The following ANAPC10 variants were observed in gnomAD, a reference collection of about 807,000 sequenced individuals.
ANAPC10 encodes the protein anaphase promoting complex subunit 10.
A neutral mutation model predicts 22.0 loss-of-function variants in ANAPC10; 12 were observed. That is an observed-to-expected ratio of 0.55 (90% CI 0.35 to 0.88). ANAPC10 has a LOEUF of 0.88. Ranked by LOEUF, ANAPC10 falls within the 40% of genes least tolerant of loss-of-function variation. ANAPC10 has a pLI of 0.01. For missense variants in ANAPC10, 188 were observed against 220.9 expected, an observed-to-expected ratio of 0.85 and a Z score of 0.94; for synonymous variants, 65 against 69.5, an observed-to-expected ratio of 0.94 and a Z score of 0.32.
chr4:144,998,480 A>G (rs1731972142), intron 4 of ANAPC10, among the ~76,000 whole-genome samples: 1 of 152,230 alleles, frequency 6.6e-6, no homozygotes, highest in Non-Finnish European at 1.5e-5. Flanking sequence ...AAACGGCTCA[A>G]CTACATGGAA....
chr4:145,004,253 G>C (rs925292193), intron 4 of ANAPC10, among the ~76,000 whole-genome samples: 2 of 152,092 alleles, frequency 1.3e-5, no homozygotes. Context: ...AGTAACTATG[G>C]TGTTTGTGTA....
chr4:145,019,622 C>A (rs1735692277), intron 4 of ANAPC10, among the ~76,000 whole-genome samples: 1 of 151,878 alleles, frequency 6.6e-6, no homozygotes, highest in South Asian at 2.1e-4. Context: ...GAAACTAAAA[C>A]AAAATTACAA....
intron 4 of ANAPC10, among the ~76,000 whole-genome samples, chr4:145,011,188 T>G (rs1734243166): frequency 1.3e-5 from 2 of 151,696 alleles, no homozygotes. Flanking sequence ...AAAAATTAGC[T>G]GGGCTTGGTG....
chr4:145,035,769 C>T (rs866691881), intron 4 of ANAPC10, among the ~76,000 whole-genome samples: 52 of 152,322 alleles, frequency 3.4e-4, no homozygotes, highest in African/African-American at 1.0e-3. Context: ...CATCTGTTTA[C>T]ATCAGATGTG....
At chr4:145,043,469 G>A (rs1355167776) in intron 4 of ANAPC10, among the ~76,000 whole-genome samples, 3 of 152,048 alleles carry the variant, frequency 2.0e-5, no homozygotes, top group Non-Finnish European at 4.4e-5. Flanking sequence ...GACAAGTGTG[G>A]AGAGCCAACT....
At chr4:145,065,164 A>T (rs1299990829) in intron 3 of ANAPC10, among the ~76,000 whole-genome samples, 4 of 152,022 alleles carry the variant, frequency 2.6e-5, no homozygotes, top group Non-Finnish European at 4.4e-5. Flanking sequence ...TAAAAAATAC[A>T]ACAACCTAGT....
chr4:145,000,078 T>A (rs977243570), intron 4 of ANAPC10, among the ~76,000 whole-genome samples: 2 of 152,168 alleles, frequency 1.3e-5, no homozygotes, highest in African/African-American at 4.8e-5. Flanking sequence ...ACTTAAATGT[T>A]AGACCTAAAA....
chr4:145,010,008 T>C lies in ANAPC10; in HGVS notation c.328-14405A>G, dbSNP rs1265356643. On this transcript the variant is annotated intron_variant, in intron 4 of 4. Transcript: ENST00000507656. ...TCAAACAAACCCATCAAAAAGTGGG[T>C]GAAGGATATGAACAGACACTTCTCA... Among the ~76,000 whole-genome samples the C allele has an allele frequency of 4.6e-5, 7 of 152,008 alleles. No homozygotes were observed. In the South Asian group the frequency reaches 1.2e-3, roughly 27 times the overall value.
intron 3 of ANAPC10, among the ~76,000 whole-genome samples, chr4:145,071,216 G>A (rs929198319): frequency 2.6e-5 from 4 of 152,132 alleles, no homozygotes; most frequent in Admixed American, 1.3e-4. Flanking sequence ...AGAATAGCCC[G>A]ACCAACATGG....
chr4:145,033,755 A>G (rs1240224331), intron 4 of ANAPC10, among the ~76,000 whole-genome samples: 1 of 152,216 alleles, frequency 6.6e-6, no homozygotes, highest in Non-Finnish European at 1.5e-5. Context: ...GGGAATACAG[A>G]ACGGGTAGTA....
At chr4:145,072,405 T>A (rs1314313684) in intron 3 of ANAPC10, among the ~76,000 whole-genome samples, 1 of 152,234 alleles carries the variant, frequency 6.6e-6, no homozygotes, top group Non-Finnish European at 1.5e-5. Context: ...AATCGAGAGT[T>A]GCTTATTTTC....
intron 4 of ANAPC10, among the ~76,000 whole-genome samples, chr4:145,036,846 G>C (rs562113375): frequency 1.3e-5 from 2 of 152,090 alleles, no homozygotes; most frequent in South Asian, 2.1e-4. Context: ...TTAATGCTGA[G>C]GTACATATTC....
At chr4:145,064,253 G>A (rs1258596421) in intron 4 of ANAPC10, 2 of 170,900 alleles carry the variant, frequency 1.2e-5, no homozygotes, top group African/African-American at 4.7e-5. Flanking sequence ...AAAAAAATTA[G>A]ATGGACAGAT....
intron 4 of ANAPC10, among the ~76,000 whole-genome samples, chr4:145,020,304 C>T (rs1578932206): frequency 6.6e-6 from 1 of 152,250 alleles, no homozygotes; most frequent in African/African-American, 2.4e-5. Context: ...AAATGTGATA[C>T]ACCACATAAA....
chr4:145,000,565 T>C (rs1732366475), intron 4 of ANAPC10, among the ~76,000 whole-genome samples: 1 of 152,148 alleles, frequency 6.6e-6, no homozygotes, highest in Non-Finnish European at 1.5e-5. Context: ...CTGGAGAGGA[T>C]GTGGAGAAAT....
intron 4 of ANAPC10, among the ~76,000 whole-genome samples, chr4:145,046,138 C>T (rs772947444): frequency 6.6e-6 from 1 of 152,056 alleles, no homozygotes; most frequent in African/African-American, 2.4e-5. Flanking sequence ...ACTTTCAGGG[C>T]TTCATTCACT....
intron 4 of ANAPC10, among the ~76,000 whole-genome samples, chr4:145,026,269 A>G (rs1482455855): frequency 6.6e-6 from 1 of 152,224 alleles, no homozygotes; most frequent in Non-Finnish European, 1.5e-5. Flanking sequence ...CTGAATGACT[A>G]TTTTGTGCAG....
chr4:145,086,056 G>C (rs114761372), intron 2 of ANAPC10, among the ~76,000 whole-genome samples: 1 of 152,042 alleles, frequency 6.6e-6, no homozygotes, highest in South Asian at 2.1e-4. Flanking sequence ...TATGAAGGAC[G>C]TAAGAGTGAA....
At chr4:145,035,021 T>C (rs374682029) in intron 4 of ANAPC10, 67 of 152,602 alleles carry the variant, frequency 4.4e-4, no homozygotes, top group African/African-American at 1.5e-3. Context: ...TGTGGCGACT[T>C]TGTAATGTGT....
Sources: allele counts gnomAD v4.1 joint callset (sites outside exome capture counted in the v4.1 genomes callset), GRCh38; gene constraint gnomAD v4.1.1; transcripts MANE v1.5; gene names NCBI Gene and HGNC (gene_info 2026-07-23, HGNC 2026-07-21).